NMU: variants seen among roughly 807,000 people sequenced by gnomAD.
The protein encoded by NMU is neuromedin U.
NMU carries 29 observed loss-of-function variants against 35.4 expected under a neutral mutation model. The observed-to-expected ratio is 0.82, with a 90% CI of 0.61 to 1.12. NMU has a LOEUF of 1.12. NMU is among the 50% of genes most tolerant of loss of function. The pLI, the probability that NMU is intolerant of heterozygous loss-of-function variation, is 0.00. For missense variants in NMU, 199 were observed against 206.2 expected, an observed-to-expected ratio of 0.97 and a Z score of 0.21; for synonymous variants, 78 against 81.3, an observed-to-expected ratio of 0.96 and a Z score of 0.22.
rs5858341 is a variant in NMU at position 55,627,250 on chromosome 4, C to CT, written c.171+3151dup. On this transcript the variant is annotated intron_variant, in intron 2 of 9. Transcript: ENST00000264218. ...GTCTGTTCTTGTGAAATTACCATGC[C>CT]TTTTTTTTTTTATTACTGCAGTTTT... is the stretch of plus-strand genomic sequence containing the variant. Among the ~76,000 whole-genome samples, 457 of 147,282 alleles carry CT rather than the reference C, an allele frequency of 3.1e-3. 2 individuals carry two copies. Among genetic ancestry groups the CT allele is most frequent in the African/African-American group, 7.7e-3 (310 of 40,290 alleles).
At chr4:55,605,157 G>T in intron 7 of NMU, 118 bp downstream of exon 7, 1 of 779,122 alleles carries the variant, frequency 1.3e-6, no homozygotes, top group Middle Eastern at 3.2e-4. Flanking sequence ...GGCTAACTGG[G>T]TATTAGTGTG....
intron 1 of NMU, among the ~76,000 whole-genome samples, chr4:55,631,981 A>G (rs893428090): frequency 6.6e-6 from 1 of 152,250 alleles, no homozygotes; most frequent in African/African-American, 2.4e-5. Flanking sequence ...ACTATCTCTC[A>G]GCCATAAAAA....
intron 6 of NMU, among the ~76,000 whole-genome samples, chr4:55,606,276 T>G (rs1733679820): frequency 6.6e-6 from 1 of 152,216 alleles, no homozygotes; most frequent in African/African-American, 2.4e-5. Context: ...GAAATAGTAT[T>G]ATAGTCAAAT....
chr4:55,618,889 T>C (rs971336525), intron 2 of NMU, among the ~76,000 whole-genome samples: 1 of 150,150 alleles, frequency 6.7e-6, no homozygotes, highest in African/African-American at 2.4e-5. Context: ...TCTTTCTTTT[T>C]TTTTTTTTGT....
At chr4:55,601,683 T>C (rs1375968494) in intron 7 of NMU, among the ~76,000 whole-genome samples, 1 of 152,190 alleles carries the variant, frequency 6.6e-6, no homozygotes, top group Admixed American at 6.5e-5. Flanking sequence ...TATGTTTATA[T>C]ACCTATATAA....
Position 55,636,203 on chromosome 4 carries a change from G to T in NMU, c.-11C>A. On this transcript the variant is annotated 5_prime_UTR_variant, in exon 1 of 10. Transcript: ENST00000264218. The surrounding 1 kb of genome is among the most constrained non-coding windows in gnomAD (Gnocchi z 4.0). The stretch of plus-strand genomic sequence containing the variant: ...CTCTGTTCGCAGCATCTCGGCGGCT[G>T]CGGGAGGCTCGGTGCTAGGGACGCT... 1 of 1,480,528 alleles carries T rather than the reference G, an allele frequency of 6.8e-7. No homozygotes were observed. 91.7% of individuals were successfully genotyped at this position (1,480,528 alleles called of 1,614,324 possible).
At chr4:55,600,790 G>T (rs1400164201) in intron 7 of NMU, among the ~76,000 whole-genome samples, 3 of 152,020 alleles carry the variant, frequency 2.0e-5, no homozygotes, top group African/African-American at 7.2e-5. Flanking sequence ...TAATTTCCTT[G>T]TCAGTGTGAC....
chr4:55,631,995 A>C (rs191733561), intron 1 of NMU, among the ~76,000 whole-genome samples: 28 of 152,346 alleles, frequency 1.8e-4, no homozygotes, highest in South Asian at 6.2e-4. Context: ...ATAAAAAGAA[A>C]CAAAGTAATG....
chr4:55,626,567 C>T (rs753692222), intron 2 of NMU, among the ~76,000 whole-genome samples: 7 of 152,060 alleles, frequency 4.6e-5, no homozygotes, highest in Non-Finnish European at 1.0e-4. Context: ...ATTAGCCGGC[C>T]GTGGTGGCAC....
chr4:55,607,959 A>G (rs1415502296), intron 4 of NMU, among the ~76,000 whole-genome samples: 2 of 152,206 alleles, frequency 1.3e-5, no homozygotes, highest in Admixed American at 6.5e-5. Flanking sequence ...TCACAAGGTC[A>G]GGAGACTGAG....
At chr4:55,616,245 C>G (rs1222450512) in intron 3 of NMU, 93 bp downstream of exon 3, 2 of 864,440 alleles carry the variant, frequency 2.3e-6, no homozygotes, top group African/African-American at 3.3e-5. Flanking sequence ...GACATGTTTT[C>G]ACGAACACAT....
At position 55,636,124 on chromosome 4, in the gene NMU, C is replaced by G. The variant is rs1197629822; in HGVS notation, c.69G>C (p.Leu23=). Residue 23 remains leucine (L), a synonymous_variant, in exon 1 of 10, where the codon CTG becomes CTC. Transcript: ENST00000264218. The surrounding 1 kb of genome is among the most constrained non-coding windows in gnomAD (Gnocchi z 4.0). ...ACCAGGCGAGCAGCAGCAGCAGCAG[C>G]AGGAGCGGGGACGCCGCGGCCACCT... The part of the protein sequence containing the change: ...AGQVAAASPL[L]LLLLLLAWCA... The G allele has an allele frequency of 1.3e-6, 2 of 1,526,062 alleles. No individual in the cohort carries two copies. Among genetic ancestry groups the G allele is most frequent in the Admixed American group, 2.0e-5 (1 of 50,304 alleles). The allele number at this position is 1,526,062 out of a possible 1,614,324, so 94.5% of individuals were successfully genotyped here. A position where few individuals can be genotyped will look rare whatever the true frequency, so the allele number is the denominator to read the frequency against.
intron 7 of NMU, among the ~76,000 whole-genome samples, chr4:55,603,939 A>ATTATATATGTGTATATATATACG: frequency 1.6e-5 from 1 of 63,850 alleles, no homozygotes; most frequent in East Asian, 5.8e-4. Context: ...ATATATATAT[A>ATTATATATGTGTATATATATACG]TATATATGTA....
chr4:55,603,999 G>GTGTATATATACACATATA (rs1366681530), intron 7 of NMU, among the ~76,000 whole-genome samples: 2 of 43,072 alleles, frequency 4.6e-5, no homozygotes, highest in Non-Finnish European at 8.7e-5. Flanking sequence ...ATATATATAC[G>GTGTATATATACACATATA]TATATATGTA....
chr4:55,631,729 T>G (rs1734762381), intron 1 of NMU, among the ~76,000 whole-genome samples: 1 of 152,202 alleles, frequency 6.6e-6, no homozygotes, highest in South Asian at 2.1e-4. Flanking sequence ...TGTAAACTAG[T>G]ACAACCACTA....
chr4:55,627,591 T>G (rs1469103023), intron 2 of NMU, among the ~76,000 whole-genome samples: 5 of 152,186 alleles, frequency 3.3e-5, no homozygotes, highest in Admixed American at 3.3e-4. Flanking sequence ...AAATTTAGAG[T>G]GTATTTTTGG....
At chr4:55,598,249 A>T (rs1299552586) in intron 9 of NMU, among the ~76,000 whole-genome samples, 4 of 151,790 alleles carry the variant, frequency 2.6e-5, no homozygotes, top group Non-Finnish European at 5.9e-5. Context: ...GCACCACCAC[A>T]TCTGGCTAAT....
At chr4:55,599,491 T>C (rs568699629) in intron 8 of NMU, among the ~76,000 whole-genome samples, 6 of 152,292 alleles carry the variant, frequency 3.9e-5, no homozygotes, top group African/African-American at 1.4e-4. Flanking sequence ...TGTTCTCAAT[T>C]TTAATTTGAT....
chr4:55,631,253 C>CA (rs763101446), intron 1 of NMU, among the ~76,000 whole-genome samples: 4 of 152,144 alleles, frequency 2.6e-5, no homozygotes, highest in South Asian at 4.1e-4. Flanking sequence ...CTCTTTTGGA[C>CA]ATTGGATTAG....
Sources: allele counts gnomAD v4.1 joint callset (sites outside exome capture counted in the v4.1 genomes callset), GRCh38; gene constraint gnomAD v4.1.1; non-coding constraint Gnocchi (gnomAD v3.1); transcripts MANE v1.5; gene names NCBI Gene and HGNC (gene_info 2026-07-23, HGNC 2026-07-21).